ZFC3H1: variants seen among roughly 807,000 people sequenced by gnomAD.
ZFC3H1 encodes the protein zinc finger C3H1 domain-containing protein.
A neutral mutation model predicts 243.7 loss-of-function variants in ZFC3H1; 71 were observed. That is an observed-to-expected ratio of 0.29 (90% CI 0.24 to 0.36). The LOEUF (loss-of-function observed/expected upper bound fraction) is 0.36. Among genes scored for constraint, ZFC3H1 ranks in the 10% least tolerant of loss-of-function variants. The pLI, the probability that ZFC3H1 is intolerant of heterozygous loss-of-function variation, is 1.00. For synonymous variants in ZFC3H1, 838 were observed against 813.0 expected, an observed-to-expected ratio of 1.03 and a Z score of -0.52; for missense variants, 1,966 against 2,317.1, an observed-to-expected ratio of 0.85 and a Z score of 3.11.
chr12:71,620,662 A>G (rs1880003923), intron 24 of ZFC3H1, among the ~76,000 whole-genome samples: 1 of 152,142 alleles, frequency 6.6e-6, no homozygotes, highest in African/African-American at 2.4e-5. Flanking sequence ...TACAGAATAA[A>G]TTATCTTTTC....
chr12:71,660,145 C>A (rs1320936348), intron 1 of ZFC3H1: 1 of 151,864 alleles, frequency 6.6e-6, no homozygotes, highest in African/African-American at 2.4e-5. Flanking sequence ...CACAGAGTAA[C>A]CTGCATTCTT....
chr12:71,615,054 T>C, intron 28 of ZFC3H1, 116 bp from the exon 29 acceptor site: 1 of 1,156,900 alleles, frequency 8.6e-7, no homozygotes, highest in South Asian at 1.4e-5. Context: ...CTTTTGACCT[T>C]TCTTCTCTAG....
At chr12:71,656,644 T>C (rs1481259979) in intron 2 of ZFC3H1, 5 of 591,250 alleles carry the variant, frequency 8.5e-6, no homozygotes, top group Non-Finnish European at 1.5e-5. Context: ...TGTCCACTAT[T>C]ATCACTTATG....
Position 71,644,087 on chromosome 12 carries a change from T to C in ZFC3H1, c.1503+8A>G. On this transcript the variant is annotated splice_region_variant and intron_variant, in intron 5 of 34. Coordinates refer to ENST00000378743, the MANE Select transcript of ZFC3H1 (RefSeq NM_144982.5). ...AACGTTTTGATTTTATATTTTTGCA[T>C]TTCTTACTTTACTTCTTGATCTCCT... The C allele has an allele frequency of 6.2e-7, 1 of 1,604,852 alleles. No homozygotes were observed. The highest frequency in any genetic ancestry group is 1.1e-5 in the South Asian group (1 of 88,910).
At chr12:71,626,195 G>C (rs1169986905) in intron 22 of ZFC3H1, 65 bp downstream of exon 22, 2 of 1,476,172 alleles carry the variant, frequency 1.4e-6, no homozygotes, top group Non-Finnish European at 1.8e-6. Context: ...TTTTTAAGAT[G>C]ATCCAAATAA....
intron 6 of ZFC3H1, among the ~76,000 whole-genome samples, chr12:71,641,556 T>A (rs943855259): frequency 1.3e-5 from 2 of 152,162 alleles, no homozygotes; most frequent in African/African-American, 4.8e-5. Flanking sequence ...TCACAGCCAA[T>A]CACCCCTGAA....
In ZFC3H1 at chr12:71,615,181, T is replaced by C. The variant is rs545103810; in HGVS notation, c.5255+25A>G. On this transcript the variant is annotated intron_variant, in intron 28 of 34. Transcript: ENST00000378743. Reference sequence around the variant, plus strand: ...TAGCAAATGCAGGCCTAGTATGCAATATCTCTCCACAGTGGATGTCTCACC... The same window carrying C: ...TAGCAAATGCAGGCCTAGTATGCAACATCTCTCCACAGTGGATGTCTCACC... 9.8e-6 allele frequency: 15 copies of C among 1,534,736 alleles called. No individual in the cohort carries two copies. The South Asian group carries it at 1.7e-4, about 18-fold the overall frequency.
At chr12:71,655,070 TA>T (rs1217599471) in intron 2 of ZFC3H1, among the ~76,000 whole-genome samples, 1 of 151,972 alleles carries the variant, frequency 6.6e-6, no homozygotes, top group African/African-American at 2.4e-5. Context: ...TATCAAAAAA[TA>T]AAAAAAGTGA....
chr12:71,619,540 GA>G (rs2137519855), intron 26 of ZFC3H1, 131 bp from the exon 27 acceptor site: 3 of 764,436 alleles, frequency 3.9e-6, no homozygotes, highest in Non-Finnish European at 2.1e-6. Context: ...GGGCGGAGGG[GA>G]TAAGTTTGAG....
rs7977422 is a variant in ZFC3H1, at chr12:71,651,981, C to T, written c.1016-4168G>A. Among the ~76,000 whole-genome samples the T allele has an allele frequency of 8.6e-3, 1,313 of 152,178 alleles. 18 individuals are homozygous for T. The highest frequency in any genetic ancestry group is 0.03 in the African/African-American group (1,229 of 41,510). On this transcript the variant is annotated intron_variant, in intron 2 of 34. Coordinates refer to ENST00000378743, the MANE Select transcript of ZFC3H1 (RefSeq NM_144982.5). ...TATGGATTACAAACAAGTTTATGGT[C>T]AGAAAGTGAAAAGCTGGAATTGAGT...
At chr12:71,647,723 GAT>G (rs1880763835) in intron 3 of ZFC3H1, 24 bp downstream of exon 3, 1 of 1,343,314 alleles carries the variant, frequency 7.4e-7, no homozygotes, top group Non-Finnish European at 1.0e-6. Flanking sequence ...TTACAGAGAT[GAT>G]AGTCTCACAA....
At chr12:71,623,293 G>T in intron 24 of ZFC3H1, 67 bp downstream of exon 24, 2 of 1,242,360 alleles carry the variant, frequency 1.6e-6, no homozygotes, top group East Asian at 2.5e-5. Flanking sequence ...CACAATAATG[G>T]GTAGTTAATG....
intron 1 of ZFC3H1, among the ~76,000 whole-genome samples, chr12:71,657,626 G>T (rs1881054392): frequency 6.6e-6 from 1 of 152,136 alleles, no homozygotes; most frequent in African/African-American, 2.4e-5. Flanking sequence ...ATAATTAGCT[G>T]TATGTTAGAG....
chr12:71,647,612 T>G, intron 3 of ZFC3H1, 137 bp downstream of exon 3: 1 of 537,480 alleles, frequency 1.9e-6, no homozygotes, highest in Non-Finnish European at 3.2e-6. Context: ...TCTTTAAGGC[T>G]TATGTCCAAA....
Position 71,642,341 on chromosome 12 carries a change from T to A in ZFC3H1, c.1627+95A>T. 4 of 1,372,770 alleles carry A rather than the reference T, an allele frequency of 2.9e-6. No homozygotes were observed. In the South Asian group the frequency reaches 6.8e-5, roughly 23 times the overall value. 85.0% of individuals were successfully genotyped at this position (1,372,770 alleles called of 1,614,324 possible). On this transcript the variant is annotated intron_variant, in intron 6 of 34. Transcript: ENST00000378743. ...TACAGTTCATCAGCAAATCTCACTT[T>A]CATTACACATTTCTTTAAAGGTTTT... is the stretch of plus-strand genomic sequence containing the variant.
chr12:71,662,993 G>C lies in ZFC3H1; in HGVS notation c.598+20C>G, dbSNP rs748345502. 4 of 1,570,162 alleles carry C rather than the reference G, an allele frequency of 2.5e-6. No individual in the cohort carries two copies. Among genetic ancestry groups the C allele is most frequent in the Middle Eastern group, 1.7e-4 (1 of 5,868 alleles). ...GAACTTTAGTGACACACCCAGCGCC[G>C]ACCGCCACGTTAAGGATACAGCTCT... On this transcript the variant is annotated intron_variant, in intron 1 of 34. Transcript: ENST00000378743.
chr12:71,618,618 A>AGACT (rs1428274607), intron 27 of ZFC3H1, among the ~76,000 whole-genome samples: 1 of 151,938 alleles, frequency 6.6e-6, no homozygotes, highest in African/African-American at 2.4e-5. Context: ...TAGTGGTAAT[A>AGACT]GACTACATGG....
chr12:71,651,147 T>C (rs1157265084), intron 2 of ZFC3H1, among the ~76,000 whole-genome samples: 1 of 152,240 alleles, frequency 6.6e-6, no homozygotes, highest in Non-Finnish European at 1.5e-5. Context: ...ACTGAGAATT[T>C]GTGTTCTGTC....
Position 71,626,295 on chromosome 12 carries a change from C to A in ZFC3H1, c.4282G>T (p.Val1428Phe). Reference protein sequence around the residue: ...DEVQEMCETAVEYAPDYQSFW... With the variant: ...DEVQEMCETAFEYAPDYQSFW... The stretch of plus-strand genomic sequence containing the variant: ...CTTTGATAATCTGGAGCATATTCAA[C>A]AGCTGTTTCACACATTTCCTGCACC... The change falls in exon 22 of 35, where the codon GTT becomes TTT. Residue 1428 changes from valine to phenylalanine, a missense_variant. By Grantham distance (50) the Val-to-Phe change is conservative (BLOSUM62 -1). Transcript: ENST00000378743. 6.2e-7 allele frequency: 1 copy of A among 1,613,830 alleles called. No homozygotes were observed. The highest frequency in any genetic ancestry group is 1.1e-5 in the South Asian group (1 of 91,068).
Sources: allele counts gnomAD v4.1 joint callset (sites outside exome capture counted in the v4.1 genomes callset), GRCh38; gene constraint gnomAD v4.1.1; transcripts MANE v1.5; gene names NCBI Gene and HGNC (gene_info 2026-07-23, HGNC 2026-07-21).